Variants in GRM8 observed in about 807,000 individuals in gnomAD.
GRM8 encodes the protein glutamate metabotropic receptor 8, also known as metabotropic glutamate receptor 8.
Under a neutral mutation model 87.2 loss-of-function variants are expected in GRM8, and 47 were observed. That is an observed-to-expected ratio of 0.54 (90% confidence interval 0.43 to 0.69). GRM8 has a LOEUF of 0.69. Among genes scored for constraint, GRM8 ranks in the 30% least tolerant of loss-of-function variants. GRM8 has a pLI of 0.00. For synonymous variants in GRM8, 396 were observed against 404.5 expected, an observed-to-expected ratio of 0.98 and a Z score of 0.25; for missense variants, 1,019 against 1,139.2, an observed-to-expected ratio of 0.89 and a Z score of 1.52.
chr7:126,481,444 C>G (rs12154954), intron 9 of GRM8, among the ~76,000 whole-genome samples: 1 of 151,634 alleles, frequency 6.6e-6, no homozygotes, highest in African/African-American at 2.4e-5. Context: ...AAGGTTCATT[C>G]ACATGTAATA....
chr7:127,205,635 G>T (rs560922258), intron 2 of GRM8, among the ~76,000 whole-genome samples: 1 of 152,238 alleles, frequency 6.6e-6, no homozygotes, highest in African/African-American at 2.4e-5. Context: ...CCACTGGAAG[G>T]GTCCAGGGTA....
At chr7:126,556,005 C>T (rs1358484337) in intron 8 of GRM8, among the ~76,000 whole-genome samples, 1 of 151,752 alleles carries the variant, frequency 6.6e-6, no homozygotes. Flanking sequence ...GAACATATTC[C>T]CAACTCTGAA....
At position 127,128,390 on chromosome 7, in the gene GRM8, C is replaced by T. The variant is rs192806342; in HGVS notation, c.511-21678G>A. Among the ~76,000 whole-genome samples, 25 of 152,216 alleles carry T rather than the reference C, an allele frequency of 1.6e-4. No homozygotes were observed. The East Asian group carries it at 3.9e-3, about 24-fold the overall frequency. ...GTGGAGTTACTGGAAGGTTAAGTCT[C>T]ATGCCAAGACCATCAAGCTGAGTCA... On this transcript the variant is annotated intron_variant, in intron 2 of 10. Transcript: ENST00000339582.
intron 7 of GRM8, among the ~76,000 whole-genome samples, chr7:126,657,561 G>A (rs1303953406): frequency 1.3e-5 from 2 of 152,162 alleles, no homozygotes; most frequent in Admixed American, 6.5e-5. Flanking sequence ...AAATCAGAGG[G>A]CATGTATAAT....
intron 3 of GRM8, among the ~76,000 whole-genome samples, chr7:127,015,176 GAGAAGAAGAAGAAGA>G (rs778849282): frequency 0.014 from 1,189 of 86,456 alleles, 18 homozygotes; most frequent in East Asian, 0.027. Context: ...GAAGGAGAAG[GAGAAGAAGAAGAAGA>G]AGAAGAAGAA....
At chr7:126,875,924 A>C (rs550530412) in intron 6 of GRM8, among the ~76,000 whole-genome samples, 1 of 152,156 alleles carries the variant, frequency 6.6e-6, no homozygotes, top group Admixed American at 6.5e-5. Flanking sequence ...CTCATGGAAA[A>C]CCTGTTTTCC....
chr7:126,519,761 G>A (rs1812701706), intron 9 of GRM8, among the ~76,000 whole-genome samples: 1 of 152,110 alleles, frequency 6.6e-6, no homozygotes, highest in Non-Finnish European at 1.5e-5. Context: ...TCACTTTCGA[G>A]TACAGTGATC....
At chr7:127,070,651 AAATT>A (rs2132672339) in intron 3 of GRM8, among the ~76,000 whole-genome samples, 1 of 152,302 alleles carries the variant, frequency 6.6e-6, no homozygotes, top group African/African-American at 2.4e-5. Context: ...TTACTAGTGA[AAATT>A]AAGAGCTATC....
chr7:126,603,254 C>T (rs1329257173), intron 8 of GRM8, among the ~76,000 whole-genome samples: 1 of 145,930 alleles, frequency 6.9e-6, no homozygotes, highest in African/African-American at 2.5e-5. Flanking sequence ...TAAGAGCTAT[C>T]TATGACAAAC....
At chr7:126,821,115 T>C (rs144169744) in intron 6 of GRM8, among the ~76,000 whole-genome samples, 242 of 152,270 alleles carry the variant, frequency 1.6e-3, no homozygotes, top group Non-Finnish European at 2.7e-3. Flanking sequence ...CTCCAACCAG[T>C]ATAAATGACA....
intron 8 of GRM8, among the ~76,000 whole-genome samples, chr7:126,593,668 T>C (rs944203031): frequency 6.6e-6 from 1 of 151,674 alleles, no homozygotes; most frequent in African/African-American, 2.4e-5. Flanking sequence ...TAGGTGAAAA[T>C]CTCCATGACA....
intron 6 of GRM8, among the ~76,000 whole-genome samples, chr7:126,853,351 T>C (rs1490296782): frequency 6.6e-6 from 1 of 152,148 alleles, no homozygotes; most frequent in Non-Finnish European, 1.5e-5. Flanking sequence ...GTCTTTGTTC[T>C]CTTTATTTTG....
intron 8 of GRM8, among the ~76,000 whole-genome samples, chr7:126,562,379 A>T (rs1312460758): frequency 6.6e-6 from 1 of 152,244 alleles, no homozygotes; most frequent in African/African-American, 2.4e-5. Context: ...TATGGGTAAC[A>T]GAATGGCTGG....
At chr7:127,002,303 A>C (rs576503019) in intron 3 of GRM8, among the ~76,000 whole-genome samples, 1 of 151,820 alleles carries the variant, frequency 6.6e-6, no homozygotes, top group South Asian at 2.1e-4. Flanking sequence ...CAATATGGCT[A>C]AGCTTACCCA....
At chr7:126,787,756 T>C (rs973765064) in intron 6 of GRM8, among the ~76,000 whole-genome samples, 16 of 151,602 alleles carry the variant, frequency 1.1e-4, no homozygotes, top group African/African-American at 3.4e-4. Context: ...GGTCGATATC[T>C]TTTTTTTATT....
Position 127,152,158 on chromosome 7 carries a change from T to A in GRM8, c.511-45446A>T, listed in dbSNP as rs1197471089. ...CAGAGTGGGAAGGGGCCAGAGCATA[T>A]GTTTTAAGTCATTCAGGCCTAGTTC... is the stretch of plus-strand genomic sequence containing the variant. On this transcript the variant is annotated intron_variant, in intron 2 of 10. Transcript: ENST00000339582. Among the ~76,000 whole-genome samples, 3 of 152,190 alleles carry A rather than the reference T, an allele frequency of 2.0e-5. No individual in the cohort carries two copies. The East Asian group carries it at 5.8e-4, about 29-fold the overall frequency.
At chr7:126,598,344 C>G (rs1474032197) in intron 8 of GRM8, among the ~76,000 whole-genome samples, 1 of 152,042 alleles carries the variant, frequency 6.6e-6, no homozygotes, top group African/African-American at 2.4e-5. Flanking sequence ...TAACTGAATT[C>G]AGCTTCTCAA....
Position 127,103,358 on chromosome 7 carries a change from G to A in GRM8, c.727+3138C>T, listed in dbSNP as rs974413171. The stretch of plus-strand genomic sequence containing the variant: ...GGCAGATCTCTCATTGCTTGGTGCT[G>A]TCTTCAAGATAGTGAGTTCTCACAA... On this transcript the variant is annotated intron_variant, in intron 3 of 10. Coordinates refer to ENST00000339582, the MANE Select transcript of GRM8 (RefSeq NM_000845.3). Among the ~76,000 whole-genome samples the A allele has an allele frequency of 2.0e-5, 3 of 152,268 alleles. No individual in the cohort carries two copies. In the South Asian group the frequency reaches 6.2e-4, roughly 32 times the overall value.
intron 2 of GRM8, among the ~76,000 whole-genome samples, chr7:127,141,985 TTTTG>T (rs1828295889): frequency 6.6e-6 from 1 of 151,950 alleles, no homozygotes; most frequent in Non-Finnish European, 1.5e-5. Flanking sequence ...CTGTTTTTGT[TTTTG>T]TTTTTTTTTA....
Sources: gnomAD v4.1 joint callset for allele counts (sites outside exome capture counted in the v4.1 genomes callset) on GRCh38, gnomAD v4.1.1 for gene constraint, MANE v1.5 for transcripts, NCBI Gene and HGNC (gene_info 2026-07-23, HGNC 2026-07-21) for gene names.